EPB41L4A: variants seen among roughly 807,000 people sequenced by gnomAD.
EPB41L4A encodes the protein band 4.1-like protein 4A.
Under a neutral mutation model 108.6 loss-of-function variants are expected in EPB41L4A, and 100 were observed. The observed-to-expected ratio is 0.92, with a 90% CI of 0.78 to 1.09. The LOEUF (loss-of-function observed/expected upper bound fraction) is 1.09, where lower values mean the gene tolerates loss of function less well. Among genes scored for constraint, EPB41L4A ranks in the 50% least tolerant of loss-of-function variants. EPB41L4A has a pLI of 0.00. For missense variants in EPB41L4A, 1,030 were observed against 842.7 expected, an observed-to-expected ratio of 1.22 and a Z score of -2.75; for synonymous variants, 319 against 289.0, an observed-to-expected ratio of 1.10 and a Z score of -1.05.
At chr5:112,225,398 T>C (rs528782330) in intron 12 of EPB41L4A, among the ~76,000 whole-genome samples, 1 of 152,314 alleles carries the variant, frequency 6.6e-6, no homozygotes, top group East Asian at 1.9e-4. Context: ...CTTATATTGC[T>C]CTTTCTCTGT....
chr5:112,412,343 T>C (rs532730488), intron 1 of EPB41L4A, among the ~76,000 whole-genome samples: 1 of 152,358 alleles, frequency 6.6e-6, no homozygotes, highest in African/African-American at 2.4e-5. Flanking sequence ...CCGAAGGAAC[T>C]ATTCCAGACC....
chr5:112,150,352 T>G (rs899973887), intron 12 of EPB41L4A, among the ~76,000 whole-genome samples: 1 of 151,902 alleles, frequency 6.6e-6, no homozygotes, highest in African/African-American at 2.4e-5. Context: ...ACCCTGTCAA[T>G]CAGAGTATCA....
chr5:112,338,343 G>A (rs1430178447), intron 1 of EPB41L4A, among the ~76,000 whole-genome samples: 9 of 152,042 alleles, frequency 5.9e-5, no homozygotes, highest in African/African-American at 2.2e-4. Flanking sequence ...CTTTCTCCCT[G>A]TCTGCTGGTG....
intron 1 of EPB41L4A, among the ~76,000 whole-genome samples, chr5:112,328,099 G>C (rs920675057): frequency 3.9e-5 from 6 of 152,134 alleles, no homozygotes; most frequent in African/African-American, 1.4e-4. Flanking sequence ...CACAAAGTCA[G>C]GAGATCGAGA....
At chr5:112,291,852 T>C (rs1397296446) in intron 2 of EPB41L4A, among the ~76,000 whole-genome samples, 1 of 152,198 alleles carries the variant, frequency 6.6e-6, no homozygotes, top group East Asian at 1.9e-4. Flanking sequence ...CATCTATATA[T>C]TCTGCGTTTC....
chr5:112,330,820 A>T (rs1005589756), intron 1 of EPB41L4A, among the ~76,000 whole-genome samples: 1 of 152,158 alleles, frequency 6.6e-6, no homozygotes, highest in African/African-American at 2.4e-5. Context: ...GCATATTTTC[A>T]TATAGATTTA....
At chr5:112,345,822 C>G (rs79450954) in intron 1 of EPB41L4A, among the ~76,000 whole-genome samples, 1 of 146,490 alleles carries the variant, frequency 6.8e-6, no homozygotes, top group Non-Finnish European at 1.5e-5. Flanking sequence ...CACACACACA[C>G]GCACACATAA....
chr5:112,337,512 A>G (rs1580711606), intron 1 of EPB41L4A, among the ~76,000 whole-genome samples: 3 of 152,304 alleles, frequency 2.0e-5, no homozygotes, highest in Middle Eastern at 3.4e-3. Flanking sequence ...AGATCCCCAC[A>G]GACTGGTGAA....
chr5:112,314,196 T>C (rs1215041313), intron 1 of EPB41L4A, among the ~76,000 whole-genome samples: 1 of 151,980 alleles, frequency 6.6e-6, no homozygotes, highest in Non-Finnish European at 1.5e-5. Context: ...CCTGAGCCTT[T>C]TGAACAGGTA....
intron 9 of EPB41L4A, among the ~76,000 whole-genome samples, chr5:112,257,613 C>T (rs1003115879): frequency 6.6e-6 from 1 of 152,142 alleles, no homozygotes; most frequent in Non-Finnish European, 1.5e-5. Flanking sequence ...AAATATTTAT[C>T]CTGAGACAGT....
At chr5:112,242,599 A>C (rs1050267805) in intron 9 of EPB41L4A, among the ~76,000 whole-genome samples, 1 of 152,222 alleles carries the variant, frequency 6.6e-6, no homozygotes, top group Non-Finnish European at 1.5e-5. Flanking sequence ...CATAAATCAT[A>C]AATTATCTTA....
intron 2 of EPB41L4A, among the ~76,000 whole-genome samples, chr5:112,304,357 T>C (rs909483465): frequency 1.3e-5 from 2 of 152,150 alleles, no homozygotes; most frequent in African/African-American, 4.8e-5. Context: ...CTATAATTTC[T>C]GGGAATTTTC....
intron 1 of EPB41L4A, among the ~76,000 whole-genome samples, 173 bp from the exon 2 acceptor site, chr5:112,307,663 G>C (rs1027073340): frequency 2.6e-5 from 4 of 152,064 alleles, no homozygotes; most frequent in African/African-American, 9.7e-5. Context: ...GTGATTTAAA[G>C]CAAAATGTAT....
At chr5:112,299,776 A>C (rs1754235755) in intron 2 of EPB41L4A, among the ~76,000 whole-genome samples, 1 of 152,132 alleles carries the variant, frequency 6.6e-6, no homozygotes. Context: ...CCCCACTATT[A>C]CTGTGTTGCT....
At chr5:112,297,386 C>A (rs1295938247) in intron 2 of EPB41L4A, among the ~76,000 whole-genome samples, 3 of 152,004 alleles carry the variant, frequency 2.0e-5, no homozygotes, top group East Asian at 3.9e-4. Context: ...TTTCCCTGAT[C>A]ATTAGTGATG....
intron 18 of EPB41L4A, among the ~76,000 whole-genome samples, chr5:112,172,442 G>A (rs1224349952): frequency 6.6e-6 from 1 of 150,572 alleles, no homozygotes; most frequent in Non-Finnish European, 1.5e-5. Context: ...AACCTGGGAG[G>A]TGGAGGTTGC....
intron 1 of EPB41L4A, among the ~76,000 whole-genome samples, chr5:112,406,836 C>G (rs369080227): frequency 6.6e-6 from 1 of 152,098 alleles, no homozygotes; most frequent in Non-Finnish European, 1.5e-5. Flanking sequence ...GGCCCATGTG[C>G]TAAGTCTCTG....
chr5:112,331,615 A>G (rs1174808592), intron 1 of EPB41L4A, among the ~76,000 whole-genome samples: 1 of 152,212 alleles, frequency 6.6e-6, no homozygotes, highest in Non-Finnish European at 1.5e-5. Flanking sequence ...AGGCTGCCCA[A>G]GCGGGGCCTT....
chr5:112,177,030 C>T (rs1337173402), intron 18 of EPB41L4A, among the ~76,000 whole-genome samples: 1 of 152,108 alleles, frequency 6.6e-6, no homozygotes, highest in Non-Finnish European at 1.5e-5. Flanking sequence ...GCTGGGATTA[C>T]AGGCATGAGC....
Sources: allele counts gnomAD v4.1 joint callset (sites outside exome capture counted in the v4.1 genomes callset), GRCh38; gene constraint gnomAD v4.1.1; transcripts MANE v1.5; gene names NCBI Gene and HGNC (gene_info 2026-07-23, HGNC 2026-07-21).